The following ELK3 variants were observed in gnomAD, a reference collection of about 807,000 sequenced individuals.
ELK3 encodes the protein ETS domain-containing protein Elk-3.
Under a neutral mutation model 28.9 loss-of-function variants are expected in ELK3, and 10 were observed. The observed-to-expected ratio is 0.35, with a 90% confidence interval of 0.21 to 0.59. ELK3 has a LOEUF of 0.59. Among genes scored for constraint, ELK3 ranks in the 20% least tolerant of loss-of-function variants. The pLI is 0.82. For missense variants in ELK3, 463 were observed against 517.3 expected, an observed-to-expected ratio of 0.90 and a Z score of 1.02; for synonymous variants, 272 against 243.5, an observed-to-expected ratio of 1.12 and a Z score of -1.09.
chr12:96,214,689 C>T (rs147973325), intron 1 of ELK3, among the ~76,000 whole-genome samples: 7 of 152,202 alleles, frequency 4.6e-5, no homozygotes, highest in African/African-American at 1.7e-4. Flanking sequence ...ATTTAATAGT[C>T]TTCCAACTCA....
At chr12:96,211,487 T>TTTGTG (rs1555193135) in intron 1 of ELK3, among the ~76,000 whole-genome samples, 1 of 54,458 alleles carries the variant, frequency 1.8e-5, no homozygotes, top group African/African-American at 4.8e-5. Flanking sequence ...CATTGTGTGT[T>TTTGTG]TGTGTGTGTG....
intron 3 of ELK3, among the ~76,000 whole-genome samples, chr12:96,258,279 G>T (rs1951966961): frequency 6.6e-6 from 1 of 152,186 alleles, no homozygotes; most frequent in African/African-American, 2.4e-5. Context: ...TTCAAAACAT[G>T]TATTTATTCT....
intron 1 of ELK3, among the ~76,000 whole-genome samples, chr12:96,201,992 G>A (rs1951510517): frequency 6.6e-6 from 1 of 152,128 alleles, no homozygotes; most frequent in Non-Finnish European, 1.5e-5. Context: ...GTCTGAGTTG[G>A]TGCTCTGTAG....
intron 1 of ELK3, among the ~76,000 whole-genome samples, chr12:96,201,875 G>A (rs1269878304): frequency 6.6e-6 from 1 of 152,218 alleles, no homozygotes; most frequent in Non-Finnish European, 1.5e-5. Context: ...TGGAAGGCCA[G>A]TATTAGCTGC....
intron 4 of ELK3, among the ~76,000 whole-genome samples, chr12:96,260,360 G>A (rs571551445): frequency 2.5e-4 from 38 of 152,304 alleles, no homozygotes; most frequent in Non-Finnish European, 3.1e-4. Flanking sequence ...CCTAGTTAAT[G>A]TAGCAACTTG....
At chr12:96,254,112 G>A (rs564643852) in intron 3 of ELK3, among the ~76,000 whole-genome samples, 1 of 152,340 alleles carries the variant, frequency 6.6e-6, no homozygotes, top group Admixed American at 6.5e-5. Flanking sequence ...ATAGCTTGAG[G>A]TCAGGAGTTC....
chr12:96,252,445 A>T lies in ELK3; in HGVS notation c.1002+4711A>T, dbSNP rs182576241. Among the ~76,000 whole-genome samples, 266 of 152,254 alleles carry T rather than the reference A, an allele frequency of 1.7e-3. 3 individuals are homozygous for T. The highest frequency in any genetic ancestry group is 4.6e-4 in the Non-Finnish European group (31 of 68,020). On this transcript the variant is annotated intron_variant, in intron 3 of 4. Transcript: ENST00000228741. ...GTGATTCCTCTGATGGATCTGGGCAAAGTCAATTGAAAACCTTCTGGAAAG... is the reference window on the plus strand; with the variant it reads ...GTGATTCCTCTGATGGATCTGGGCATAGTCAATTGAAAACCTTCTGGAAAG...
chr12:96,235,151 A>G (rs534526766), intron 2 of ELK3, among the ~76,000 whole-genome samples: 4 of 151,638 alleles, frequency 2.6e-5, no homozygotes, highest in East Asian at 1.9e-4. Flanking sequence ...AAGGAGTCCA[A>G]ACTCCCTTCA....
At chr12:96,232,378 G>A (rs543878700) in intron 2 of ELK3, among the ~76,000 whole-genome samples, 4 of 151,876 alleles carry the variant, frequency 2.6e-5, no homozygotes, top group Non-Finnish European at 5.9e-5. Flanking sequence ...AGACCATTCC[G>A]GCCAACATGG....
At chr12:96,266,089 C>T (rs966946795) in intron 4 of ELK3, among the ~76,000 whole-genome samples, 3 of 152,172 alleles carry the variant, frequency 2.0e-5, no homozygotes, top group Non-Finnish European at 4.4e-5. Flanking sequence ...ACAAAACTTA[C>T]GTTACAGCTC....
chr12:96,234,328 C>T (rs1235324394), intron 2 of ELK3, among the ~76,000 whole-genome samples: 3 of 152,180 alleles, frequency 2.0e-5, no homozygotes, highest in Admixed American at 6.5e-5. Flanking sequence ...AAAGCTCTTG[C>T]GGCCTTGCCA....
chr12:96,269,135 C>T lies in ELK3; in HGVS notation c.*1955C>T, dbSNP rs1229358078. 2 of 152,286 alleles carry T rather than the reference C, an allele frequency of 1.3e-5. No individual in the cohort carries two copies. The highest frequency in any genetic ancestry group is 2.1e-4 in the South Asian group (1 of 4,826). 9.4% of individuals were successfully genotyped at this position (152,286 alleles called of 1,614,324 possible). On this transcript the variant is annotated 3_prime_UTR_variant, in exon 5 of 5. Transcript: ENST00000228741. ...GCTGCACAGCTCACTGAAGGTAGAA[C>T]AATGATTGGTGCTCAGTCCAATTCT...
intron 1 of ELK3, among the ~76,000 whole-genome samples, chr12:96,210,188 TCA>T (rs1951566423): frequency 6.6e-6 from 1 of 152,128 alleles, no homozygotes; most frequent in Non-Finnish European, 1.5e-5. Context: ...AATTTAAAGC[TCA>T]AACTGAAAGA....
chr12:96,215,347 A>G (rs1219653799), intron 1 of ELK3, among the ~76,000 whole-genome samples: 1 of 152,194 alleles, frequency 6.6e-6, no homozygotes, highest in African/African-American at 2.4e-5. Flanking sequence ...CCTTGCTCAC[A>G]TTAAGACGTC....
chr12:96,256,572 A>G (rs913625182), intron 3 of ELK3, among the ~76,000 whole-genome samples: 10 of 152,222 alleles, frequency 6.6e-5, no homozygotes, highest in Non-Finnish European at 1.0e-4. Flanking sequence ...AGATGGCTTC[A>G]GTTCATTGGT....
At chr12:96,214,949 A>G (rs1951600849) in intron 1 of ELK3, among the ~76,000 whole-genome samples, 1 of 152,188 alleles carries the variant, frequency 6.6e-6, no homozygotes, top group Non-Finnish European at 1.5e-5. Flanking sequence ...GAGGAGTTGA[A>G]CTCAGCAGAA....
intron 1 of ELK3, among the ~76,000 whole-genome samples, chr12:96,209,470 A>G (rs1473260628): frequency 2.0e-5 from 3 of 152,218 alleles, no homozygotes; most frequent in African/African-American, 4.8e-5. Context: ...TTTTGTATCC[A>G]TGCAAAAAGG....
intron 2 of ELK3, among the ~76,000 whole-genome samples, chr12:96,237,424 A>G (rs1951792645): frequency 1.3e-5 from 2 of 151,846 alleles, no homozygotes; most frequent in Admixed American, 6.6e-5. Flanking sequence ...TGCCCCCCAG[A>G]CATTTGTAGC....
chr12:96,213,264 G>C (rs1390555024), intron 1 of ELK3, among the ~76,000 whole-genome samples: 1 of 152,190 alleles, frequency 6.6e-6, no homozygotes, highest in African/African-American at 2.4e-5. Flanking sequence ...GGGACAATCA[G>C]TTATTTCTTT....
Sources: allele counts gnomAD v4.1 joint callset (sites outside exome capture counted in the v4.1 genomes callset), GRCh38; gene constraint gnomAD v4.1.1; transcripts MANE v1.5; gene names NCBI Gene and HGNC (gene_info 2026-07-23, HGNC 2026-07-21).